SNX3: variants seen among roughly 807,000 people sequenced by gnomAD.
SNX3 encodes sorting nexin-3.
Under a neutral mutation model 17.7 loss-of-function variants are expected in SNX3, and 5 were observed. That is an observed-to-expected ratio of 0.28 (90% CI 0.15 to 0.59). The LOEUF (loss-of-function observed/expected upper bound fraction) is 0.59, where lower values mean the gene tolerates loss of function less well. Ranked by LOEUF, SNX3 falls within the 20% of genes least tolerant of loss-of-function variation. SNX3 has a pLI of 0.88. For synonymous variants in SNX3, 91 were observed against 76.5 expected (o/e 1.19, Z -0.99); for missense variants, 132 against 206.8 (o/e 0.64, Z 2.22).
At chr6:108,225,108 C>T (rs368344032) in intron 1 of SNX3, among the ~76,000 whole-genome samples, 7 of 152,070 alleles carry the variant, frequency 4.6e-5, no homozygotes, top group South Asian at 2.1e-4. Context: ...GGTGAAACCT[C>T]GTTTCTACTA....
intron 1 of SNX3, among the ~76,000 whole-genome samples, chr6:108,244,891 C>T (rs755650160): frequency 6.6e-5 from 10 of 151,964 alleles, no homozygotes; most frequent in African/African-American, 1.5e-4. Context: ...CCACCTGCCT[C>T]GGCCTCCTAA....
At chr6:108,256,732 A>G (rs183668995) in intron 1 of SNX3, among the ~76,000 whole-genome samples, 2 of 152,362 alleles carry the variant, frequency 1.3e-5, no homozygotes, top group African/African-American at 2.4e-5. Flanking sequence ...AGAATATTAA[A>G]GTTATATTAC....
At chr6:108,254,986 G>T (rs940584454) in intron 1 of SNX3, among the ~76,000 whole-genome samples, 1 of 152,136 alleles carries the variant, frequency 6.6e-6, no homozygotes, top group Non-Finnish European at 1.5e-5. Context: ...GCTTCTACAG[G>T]AATATTATCT....
intron 1 of SNX3, among the ~76,000 whole-genome samples, chr6:108,225,610 C>T (rs953082229): frequency 1.3e-4 from 20 of 151,932 alleles, no homozygotes; most frequent in African/African-American, 4.4e-4. Context: ...CTAGCCTGAG[C>T]GACAGAGTGA....
rs74447804 is a variant in SNX3, at chr6:108,239,300, G to C, written c.163-16255C>G. Among the ~76,000 whole-genome samples, 1,228 of 152,142 alleles carry C rather than the reference G, an allele frequency of 8.1e-3. 7 individuals are homozygous for C. Among genetic ancestry groups the C allele is most frequent in the Non-Finnish European group, 0.013 (910 of 68,000 alleles). On this transcript the variant is annotated intron_variant, in intron 1 of 3. Transcript: ENST00000230085. ...TCTTTCTGGAACTCATTAACAGTAC[G>C]ATCATGCCAAATTACTTTCCTTCTC... is the stretch of plus-strand genomic sequence containing the variant.
intron 2 of SNX3, among the ~76,000 whole-genome samples, chr6:108,216,833 T>C (rs1308741187): frequency 6.6e-6 from 1 of 152,168 alleles, no homozygotes; most frequent in Non-Finnish European, 1.5e-5. Flanking sequence ...CAAATAAACT[T>C]TATAATCCCT....
At chr6:108,221,288 T>C (rs549747374) in intron 2 of SNX3, among the ~76,000 whole-genome samples, 1 of 151,696 alleles carries the variant, frequency 6.6e-6, no homozygotes, top group Non-Finnish European at 1.5e-5. Context: ...TTTTAGAGCT[T>C]CTCATCATCT....
At chr6:108,254,564 C>A (rs1359025653) in intron 1 of SNX3, among the ~76,000 whole-genome samples, 4 of 152,124 alleles carry the variant, frequency 2.6e-5, no homozygotes, top group Non-Finnish European at 5.9e-5. Flanking sequence ...CTTTCTTAAA[C>A]TTCATTTATT....
rs1775197639 is a variant in SNX3 at position 108,232,498 on chromosome 6, A to G, written c.163-9453T>C. On this transcript the variant is annotated intron_variant, in intron 1 of 3. Coordinates refer to ENST00000230085, the MANE Select transcript of SNX3 (RefSeq NM_003795.6). ...AAAGTCAGCAGCTCACAGATACCCT[A>G]TATGTTACCTGATTATCACTGATAG... Among the ~76,000 whole-genome samples the G allele has an allele frequency of 2.6e-5, 4 of 152,168 alleles. No homozygotes were observed. In the South Asian group the frequency reaches 8.3e-4, roughly 32 times the overall value.
At chr6:108,217,751 A>AC (rs1237375799) in intron 2 of SNX3, among the ~76,000 whole-genome samples, 1 of 151,386 alleles carries the variant, frequency 6.6e-6, no homozygotes, top group African/African-American at 2.4e-5. Flanking sequence ...ACCGTCTCAA[A>AC]AAAAAAAAAA....
At chr6:108,238,105 A>T (rs189990709) in intron 1 of SNX3, among the ~76,000 whole-genome samples, 4,549 of 149,552 alleles carry the variant, frequency 0.03, 49 homozygotes, top group Admixed American at 0.071. Context: ...CTGTCTCAAA[A>T]AAAAAAAAAA....
chr6:108,235,934 T>G (rs916902524), intron 1 of SNX3, among the ~76,000 whole-genome samples: 1 of 152,208 alleles, frequency 6.6e-6, no homozygotes, highest in Non-Finnish European at 1.5e-5. Context: ...AACTCTTCGC[T>G]GTTTAGTTCT....
At chr6:108,246,905 G>C (rs146893783) in intron 1 of SNX3, among the ~76,000 whole-genome samples, 96 of 152,276 alleles carry the variant, frequency 6.3e-4, no homozygotes, top group African/African-American at 2.3e-3. Context: ...AAGATCATCA[G>C]AGTTTAGCAT....
chr6:108,214,352 T>A, intron 3 of SNX3, 146 bp downstream of exon 3: 1 of 680,026 alleles, frequency 1.5e-6, no homozygotes, highest in African/African-American at 1.9e-5. Context: ...GATATTCAAC[T>A]TGTCAGATAC....
At chr6:108,220,367 A>T (rs534665597) in intron 2 of SNX3, among the ~76,000 whole-genome samples, 9 of 143,990 alleles carry the variant, frequency 6.3e-5, no homozygotes, top group East Asian at 4.0e-4. Flanking sequence ...TCCATGCTTT[A>T]AAAAAAAAAA....
chr6:108,255,538 G>C (rs1235853856), intron 1 of SNX3, among the ~76,000 whole-genome samples: 1 of 152,056 alleles, frequency 6.6e-6, no homozygotes, highest in Non-Finnish European at 1.5e-5. Flanking sequence ...TTTTTGTAGG[G>C]ACAGGGTCTC....
At chr6:108,237,623 C>G (rs1342484622) in intron 1 of SNX3, among the ~76,000 whole-genome samples, 5 of 152,058 alleles carry the variant, frequency 3.3e-5, no homozygotes, top group Non-Finnish European at 7.4e-5. Flanking sequence ...AGCCCCACCT[C>G]TACTAAAAAT....
chr6:108,220,776 G>A (rs1001990450), intron 2 of SNX3, among the ~76,000 whole-genome samples: 2 of 151,980 alleles, frequency 1.3e-5, no homozygotes, highest in African/African-American at 4.8e-5. Context: ...TCAGGAGTTC[G>A]AGACCAGCCT....
intron 1 of SNX3, among the ~76,000 whole-genome samples, chr6:108,244,565 ATT>A (rs1775624029): frequency 6.6e-6 from 1 of 150,504 alleles, no homozygotes; most frequent in African/African-American, 2.4e-5. Context: ...GTAAATCCAT[ATT>A]GTTATGCAAA....
Sources: gnomAD v4.1 joint callset for allele counts (sites outside exome capture counted in the v4.1 genomes callset) on GRCh38, gnomAD v4.1.1 for gene constraint, MANE v1.5 for transcripts, NCBI Gene and HGNC (gene_info 2026-07-23, HGNC 2026-07-21) for gene names.